Variants in HIVEP2 observed in about 807,000 individuals in gnomAD.
The protein encoded by HIVEP2 is transcription factor HIVEP2.
In HIVEP2, 14 loss-of-function variants were observed where a neutral mutation model predicts 180.7. The observed-to-expected ratio is 0.08, with a 90% CI of 0.05 to 0.12. The LOEUF is 0.12. HIVEP2 is among the 10% of genes least tolerant of loss of function. HIVEP2 has a pLI of 1.00. For missense variants in HIVEP2, 2,579 were observed against 3,008.5 expected, an observed-to-expected ratio of 0.86 and a Z score of 3.34; for synonymous variants, 1,184 against 1,136.4, an observed-to-expected ratio of 1.04 and a Z score of -0.84.
intron 1 of HIVEP2, among the ~76,000 whole-genome samples, chr6:142,941,320 CA>C (rs1390076384): frequency 6.6e-6 from 1 of 152,154 alleles, no homozygotes; most frequent in Non-Finnish European, 1.5e-5. Context: ...AATGTTTTCC[CA>C]AATTAGTTAG....
At chr6:142,787,229 G>A (rs1194209312) in intron 2 of HIVEP2, among the ~76,000 whole-genome samples, 3 of 150,046 alleles carry the variant, frequency 2.0e-5, no homozygotes, top group African/African-American at 7.3e-5. Flanking sequence ...CTGGGGGATA[G>A]AGTGAGACCC....
chr6:142,841,371 T>G (rs1562260190), intron 1 of HIVEP2, among the ~76,000 whole-genome samples: 1 of 152,120 alleles, frequency 6.6e-6, no homozygotes, highest in Non-Finnish European at 1.5e-5. Context: ...AATGGAACTT[T>G]TGTTCAGACT....
At chr6:142,765,710 T>C (rs953146233) in intron 6 of HIVEP2, among the ~76,000 whole-genome samples, 1 of 152,236 alleles carries the variant, frequency 6.6e-6, no homozygotes, top group South Asian at 2.1e-4. Context: ...ATAGAGATGT[T>C]TGAAAGGATA....
intron 1 of HIVEP2, among the ~76,000 whole-genome samples, chr6:142,934,523 C>T (rs1205004681): frequency 6.6e-6 from 1 of 152,194 alleles, no homozygotes; most frequent in African/African-American, 2.4e-5. Flanking sequence ...CTCTATATCT[C>T]TCCCAACATA....
chr6:142,754,815 C>T (rs1448788543), intron 9 of HIVEP2, among the ~76,000 whole-genome samples: 1 of 152,170 alleles, frequency 6.6e-6, no homozygotes, highest in East Asian at 1.9e-4. Context: ...GCCAGAATTT[C>T]AGATTTCATA....
At chr6:142,755,926 A>G (rs1775054550) in intron 9 of HIVEP2, among the ~76,000 whole-genome samples, 1 of 152,126 alleles carries the variant, frequency 6.6e-6, no homozygotes, top group East Asian at 1.9e-4. Context: ...GAAACTCCCA[A>G]TAAGTTTTCT....
At position 142,809,074 on chromosome 6, in the gene HIVEP2, T is replaced by C. The variant is rs182802976; in HGVS notation, c.-527-25459A>G. Among the ~76,000 whole-genome samples, 72 of 152,138 alleles carry C rather than the reference T, an allele frequency of 4.7e-4. No individual in the cohort carries two copies. The East Asian group carries it at 0.01, about 22-fold the overall frequency. On this transcript the variant is annotated intron_variant, in intron 2 of 9. Transcript: ENST00000367603. ...AATACGTGCTTAAGATATCACAGTA[T>C]CAGTAGTATGGTATGCCCAGCAGCA...
chr6:142,894,584 T>C (rs1291742886), intron 1 of HIVEP2, among the ~76,000 whole-genome samples: 3 of 152,242 alleles, frequency 2.0e-5, no homozygotes, highest in Non-Finnish European at 2.9e-5. Context: ...AAGGTACTTT[T>C]AACAGTGAAC....
At chr6:142,827,241 A>G (rs1284871960) in intron 2 of HIVEP2, among the ~76,000 whole-genome samples, 1 of 152,202 alleles carries the variant, frequency 6.6e-6, no homozygotes, top group Non-Finnish European at 1.5e-5. Flanking sequence ...ACTAAACATA[A>G]CCATGATATA....
intron 2 of HIVEP2, among the ~76,000 whole-genome samples, chr6:142,796,348 AC>A (rs1199724897): frequency 6.6e-6 from 1 of 152,106 alleles, no homozygotes; most frequent in Non-Finnish European, 1.5e-5. Flanking sequence ...CTCCTCCAAA[AC>A]CTAACTACTA....
rs1183001223 is a variant in HIVEP2 at position 142,769,676 on chromosome 6, T to C, written c.5063A>G (p.Lys1688Arg). Residue 1688 changes from lysine (K) to arginine (R), a missense_variant, in exon 5 of 10, where the codon AAG becomes AGG. Lys to Arg is a conservative substitution (Grantham distance 26). Around this residue, in one of 11 missense-constraint regions of HIVEP2, gnomAD observed 349 missense variants for 367.2 expected, o/e 0.95. Transcript: ENST00000367603. ...CNPNPSGLNTKTTLALLRSKQ... is the reference protein window; with the variant it reads ...CNPNPSGLNTRTTLALLRSKQ... The stretch of plus-strand genomic sequence containing the variant: ...GGACCTCAGAAGAGCCAGCGTGGTC[T>C]TGGTGTTCAATCCTGATGGGTTTGG... The C allele has an allele frequency of 1.9e-6, 3 of 1,614,124 alleles. No individual in the cohort carries two copies. Among genetic ancestry groups the C allele is most frequent in the Non-Finnish European group, 2.5e-6 (3 of 1,180,038 alleles).
chr6:142,845,091 G>A (rs1434248949), intron 1 of HIVEP2, among the ~76,000 whole-genome samples: 2 of 152,178 alleles, frequency 1.3e-5, no homozygotes, highest in Admixed American at 1.3e-4. Context: ...AAAATGTAAC[G>A]TGTTCTCATT....
intron 1 of HIVEP2, among the ~76,000 whole-genome samples, chr6:142,917,808 C>G (rs1777594628): frequency 6.6e-6 from 1 of 151,924 alleles, no homozygotes; most frequent in Non-Finnish European, 1.5e-5. Flanking sequence ...TAGAGTCTTG[C>G]TCTGTTGCCC....
At position 142,760,081 on chromosome 6, in the gene HIVEP2, A is replaced by C. The variant is rs748370781; in HGVS notation, c.6207T>G (p.Asp2069Glu). ...GTGATAAATGTCTCCTGGGAGATAA[A>C]TCTCCTTTGGGTATCAGATACCTCT... ...SPKRYLIPKGDLSPRRHLSPR... is the reference protein window; with the variant it reads ...SPKRYLIPKGELSPRRHLSPR... Residue 2069 changes from aspartate to glutamate, a missense_variant, in exon 9 of 10, where the codon GAT (aspartate) becomes GAG (glutamate). Transcript: ENST00000367603. 2.5e-6 allele frequency: 4 copies of C among 1,614,068 alleles called. No homozygotes were observed. The highest frequency in any genetic ancestry group is 3.4e-6 in the Non-Finnish European group (4 of 1,179,982).
intron 2 of HIVEP2, among the ~76,000 whole-genome samples, chr6:142,790,596 G>A (rs577334183): frequency 9.2e-5 from 14 of 152,122 alleles, no homozygotes; most frequent in Middle Eastern, 3.4e-3. Context: ...TTTACTATTC[G>A]GTTGCTGCAG....
chr6:142,849,500 T>G, intron 1 of HIVEP2, among the ~76,000 whole-genome samples: 1 of 149,618 alleles, frequency 6.7e-6, no homozygotes, highest in Non-Finnish European at 1.5e-5. Flanking sequence ...GCAGCTAGAG[T>G]GATTCTTTAT....
intron 2 of HIVEP2, among the ~76,000 whole-genome samples, chr6:142,791,855 T>A (rs529099338): frequency 6.6e-6 from 1 of 152,236 alleles, no homozygotes; most frequent in South Asian, 2.1e-4. Flanking sequence ...TACTGTCTAA[T>A]GAGTAAGGAA....
At chr6:142,867,874 G>A (rs1425910181) in intron 1 of HIVEP2, among the ~76,000 whole-genome samples, 1 of 152,126 alleles carries the variant, frequency 6.6e-6, no homozygotes, top group Admixed American at 6.6e-5. Flanking sequence ...TTCTTGAAAC[G>A]TTGTGCTAGA....
intron 1 of HIVEP2, among the ~76,000 whole-genome samples, chr6:142,853,446 T>G (rs1775741764): frequency 2.6e-5 from 4 of 152,218 alleles, no homozygotes; most frequent in Admixed American, 2.6e-4. Context: ...ACTTTTAAGC[T>G]TACTATTTGA....
Sources: allele counts gnomAD v4.1 joint callset (sites outside exome capture counted in the v4.1 genomes callset), GRCh38; gene constraint gnomAD v4.1.1; regional missense constraint gnomAD v4.1.1; transcripts MANE v1.5; gene names NCBI Gene and HGNC (gene_info 2026-07-23, HGNC 2026-07-21).